Variants in THSD7B observed in about 807,000 individuals in gnomAD.
THSD7B encodes thrombospondin type-1 domain-containing protein 7B.
Under a neutral mutation model 213.6 loss-of-function variants are expected in THSD7B, and 138 were observed. That is an observed-to-expected ratio of 0.65 (90% CI 0.56 to 0.74). The LOEUF (loss-of-function observed/expected upper bound fraction) is 0.74. Ranked by LOEUF, THSD7B falls within the 30% of genes least tolerant of loss-of-function variation. The probability of loss-of-function intolerance (pLI) is 0.00; values close to 1 mark genes in which losing one functional copy is unlikely to be tolerated. For missense variants in THSD7B, 1,931 were observed against 1,991.5 expected, an observed-to-expected ratio of 0.97 and a Z score of 0.58; for synonymous variants, 742 against 687.0, an observed-to-expected ratio of 1.08 and a Z score of -1.25.
Position 137,139,816 on chromosome 2 carries a change from A to G in THSD7B, c.1370-20397A>G, listed in dbSNP as rs189298883. Among the ~76,000 whole-genome samples the G allele has an allele frequency of 5.1e-4, 77 of 152,312 alleles. 1 individual carries two copies. The highest frequency in any genetic ancestry group is 1.9e-3 in the African/African-American group (77 of 41,568). ...TGGCAATTTATTCCTTTGGCTTAAG[A>G]AAAAAGGTATTTAAATACAAGTGTC... On this transcript the variant is annotated intron_variant, in intron 5 of 27. Coordinates refer to ENST00000409968, the MANE Select transcript of THSD7B (RefSeq NM_001316349.2).
At chr2:137,308,447 A>T (rs1683809559) in intron 12 of THSD7B, among the ~76,000 whole-genome samples, 1 of 152,056 alleles carries the variant, frequency 6.6e-6, no homozygotes, top group Non-Finnish European at 1.5e-5. Flanking sequence ...GATATGTAAC[A>T]TATCACATGT....
chr2:137,623,093 A>G (rs190064962), intron 20 of THSD7B, among the ~76,000 whole-genome samples: 5 of 152,338 alleles, frequency 3.3e-5, no homozygotes, highest in African/African-American at 1.2e-4. Context: ...AATACTGGCA[A>G]ACCGAATCCA....
In THSD7B at chr2:137,042,922, AT is replaced by A. The variant is rs1467668457; in HGVS notation, c.140-13497del. On this transcript the variant is annotated intron_variant, in intron 2 of 27. Coordinates refer to ENST00000409968, the MANE Select transcript of THSD7B (RefSeq NM_001316349.2). ...TCACAAAGCACTCTGGGAAATTCCA[AT>A]AATGCAGGGGCTAAAAAGAGTTGAC... 3.9e-5 allele frequency among the ~76,000 whole-genome samples: 6 copies of A among 152,342 alleles called. No individual in the cohort carries two copies. In the East Asian group the frequency reaches 9.6e-4, roughly 24 times the overall value.
chr2:137,570,308 T>TTAG (rs1681327752), intron 16 of THSD7B, among the ~76,000 whole-genome samples: 3 of 150,902 alleles, frequency 2.0e-5, no homozygotes, highest in African/African-American at 4.8e-5. Flanking sequence ...TTATTAATTA[T>TTAG]TATTATTATT....
intron 15 of THSD7B, among the ~76,000 whole-genome samples, chr2:137,457,840 C>A (rs1310361364): frequency 6.6e-6 from 1 of 152,098 alleles, no homozygotes; most frequent in African/African-American, 2.4e-5. Flanking sequence ...ATGGAATTAA[C>A]AGATAAAAAT....
Position 137,242,488 on chromosome 2 carries a change from C to T in THSD7B, c.2182C>T (p.Arg728Cys), listed in dbSNP as rs377074997. 2.1e-5 allele frequency: 34 copies of T among 1,613,782 alleles called. No individual in the cohort carries two copies. The highest frequency in any genetic ancestry group is 2.6e-5 in the Non-Finnish European group (31 of 1,179,736). Residue 728 changes from arginine (R) to cysteine (C), a missense_variant, in exon 10 of 28, where the codon CGC becomes TGC. Transcript: ENST00000409968. ...AGATTCTACTCGACCTGAAACTGTG[C>T]GCCCCTGTTTTCTCCCATGCAAAAA... ...CPDSTRPETV[R>C]PCFLPCKKDC...
chr2:136,843,427 T>A (rs1319416364), intron 1 of THSD7B, among the ~76,000 whole-genome samples: 1 of 152,190 alleles, frequency 6.6e-6, no homozygotes, highest in African/African-American at 2.4e-5. Context: ...TCCTGCATCA[T>A]AACCATCACC....
At chr2:137,271,364 T>A (rs1682728784) in intron 10 of THSD7B, among the ~76,000 whole-genome samples, 1 of 145,170 alleles carries the variant, frequency 6.9e-6, no homozygotes, top group Admixed American at 7.1e-5. Context: ...TGGCCTGAAA[T>A]GGCTTCATTC....
rs114021462 is a variant in THSD7B at position 137,171,646 on chromosome 2, T to G, written c.1723+708T>G. Among the ~76,000 whole-genome samples, 1,063 of 152,332 alleles carry G rather than the reference T, an allele frequency of 7.0e-3. 10 individuals are homozygous for G. The highest frequency in any genetic ancestry group is 0.022 in the African/African-American group (919 of 41,568). On this transcript the variant is annotated intron_variant, in intron 7 of 27. Coordinates refer to ENST00000409968, the MANE Select transcript of THSD7B (RefSeq NM_001316349.2). ...CTTGGAAGAATATCGTGTATATTTATTAATCAGCTCTGCCATGAGAAGCCC... is the reference window on the plus strand; with the variant it reads ...CTTGGAAGAATATCGTGTATATTTAGTAATCAGCTCTGCCATGAGAAGCCC...
At chr2:137,080,515 A>T (rs985232288) in intron 3 of THSD7B, among the ~76,000 whole-genome samples, 3 of 151,876 alleles carry the variant, frequency 2.0e-5, no homozygotes, top group African/African-American at 7.3e-5. Context: ...CATCTGACCA[A>T]TATGTTTTGG....
intron 15 of THSD7B, among the ~76,000 whole-genome samples, chr2:137,559,810 A>G (rs1302996434): frequency 2.0e-5 from 3 of 152,182 alleles, no homozygotes; most frequent in Non-Finnish European, 2.9e-5. Context: ...TTTGCAATCT[A>G]CTCATCTGAC....
intron 1 of THSD7B, among the ~76,000 whole-genome samples, chr2:136,825,781 A>C: frequency 6.9e-6 from 1 of 144,056 alleles, no homozygotes; most frequent in African/African-American, 2.6e-5. Flanking sequence ...CAAACTCCTG[A>C]CCTCAAATGA....
chr2:137,569,512 G>T (rs966776088), intron 16 of THSD7B, among the ~76,000 whole-genome samples: 9 of 152,108 alleles, frequency 5.9e-5, no homozygotes, highest in Non-Finnish European at 1.3e-4. Context: ...CAGGGGAGAG[G>T]ATCTAAAGGT....
At chr2:136,943,798 G>C (rs910037940) in intron 2 of THSD7B, among the ~76,000 whole-genome samples, 1 of 152,098 alleles carries the variant, frequency 6.6e-6, no homozygotes, top group Non-Finnish European at 1.5e-5. Context: ...CTTGCTAGCG[G>C]TCTGTCAATT....
chr2:137,095,215 T>G, intron 4 of THSD7B, 94 bp downstream of exon 4: 1 of 1,472,092 alleles, frequency 6.8e-7, no homozygotes, highest in East Asian at 2.3e-5. Flanking sequence ...GACTCATATT[T>G]ATTGAGTCTT....
At chr2:137,149,051 C>A (rs1408971482) in intron 5 of THSD7B, among the ~76,000 whole-genome samples, 2 of 152,118 alleles carry the variant, frequency 1.3e-5, no homozygotes, top group Non-Finnish European at 2.9e-5. Flanking sequence ...CCAGGGCACT[C>A]CTGCTCTATG....
intron 17 of THSD7B, among the ~76,000 whole-genome samples, chr2:137,574,324 T>C (rs1310778353): frequency 1.3e-5 from 2 of 152,098 alleles, no homozygotes; most frequent in Non-Finnish European, 2.9e-5. Flanking sequence ...TTTTGGAGTG[T>C]TTAGAAATTG....
At chr2:136,766,125 C>G (rs1245189455) in intron 1 of THSD7B, among the ~76,000 whole-genome samples, 1 of 152,184 alleles carries the variant, frequency 6.6e-6, no homozygotes, top group Non-Finnish European at 1.5e-5. Flanking sequence ...ATCGAAAGGC[C>G]GGGAGTTGTT....
intron 2 of THSD7B, among the ~76,000 whole-genome samples, chr2:136,939,897 A>G (rs1684791820): frequency 6.6e-6 from 1 of 152,046 alleles, no homozygotes; most frequent in Non-Finnish European, 1.5e-5. Flanking sequence ...CACCACCAGG[A>G]CCATCATTTC....
Sources: allele counts gnomAD v4.1 joint callset (sites outside exome capture counted in the v4.1 genomes callset), GRCh38; gene constraint gnomAD v4.1.1; transcripts MANE v1.5; gene names NCBI Gene and HGNC (gene_info 2026-07-23, HGNC 2026-07-21).